Variants in SPATS2L observed in about 807,000 individuals in gnomAD.
SPATS2L encodes the protein spermatogenesis associated serine rich 2 like, also known as SPATS2-like protein.
A neutral mutation model predicts 59.6 loss-of-function variants in SPATS2L; 30 were observed. That is an observed-to-expected ratio of 0.50 (90% confidence interval 0.38 to 0.68). The LOEUF is 0.68. SPATS2L is among the 30% of genes least tolerant of loss of function. SPATS2L has a pLI of 0.00. For missense variants in SPATS2L, 615 were observed against 700.0 expected (o/e 0.88, Z 1.37); for synonymous variants, 252 against 263.5 (o/e 0.96, Z 0.42).
At chr2:200,328,854 A>G (rs2079842714) in intron 1 of SPATS2L, among the ~76,000 whole-genome samples, 1 of 152,182 alleles carries the variant, frequency 6.6e-6, no homozygotes, top group African/African-American at 2.4e-5. Flanking sequence ...ACTTTATAGG[A>G]TATCTTTTGG....
At chr2:200,419,075 A>C (rs1230048213) in intron 5 of SPATS2L, among the ~76,000 whole-genome samples, 175 bp from the exon 6 acceptor site, 1 of 152,192 alleles carries the variant, frequency 6.6e-6, no homozygotes, top group Admixed American at 6.5e-5. Flanking sequence ...ACTATAAGAA[A>C]GAAGATACTT....
intron 2 of SPATS2L, among the ~76,000 whole-genome samples, chr2:200,355,750 A>G (rs1345028561): frequency 6.6e-6 from 1 of 152,230 alleles, no homozygotes; most frequent in Non-Finnish European, 1.5e-5. Flanking sequence ...AAGCAAACAC[A>G]TTTGCAGGTA....
intron 2 of SPATS2L, among the ~76,000 whole-genome samples, chr2:200,357,880 T>C (rs2080968309): frequency 6.6e-6 from 1 of 152,172 alleles, no homozygotes; most frequent in African/African-American, 2.4e-5. Context: ...TTGAGAGATA[T>C]CAAAGATGTC....
intron 2 of SPATS2L, among the ~76,000 whole-genome samples, chr2:200,380,137 C>T (rs2081753772): frequency 6.6e-6 from 1 of 152,142 alleles, no homozygotes; most frequent in African/African-American, 2.4e-5. Context: ...GCCTGCCGTG[C>T]GTCCTCCTCC....
At chr2:200,463,748 CACAA>C (rs2086402206) in intron 9 of SPATS2L, among the ~76,000 whole-genome samples, 1 of 152,164 alleles carries the variant, frequency 6.6e-6, no homozygotes, top group Non-Finnish European at 1.5e-5. Context: ...TTCATAGTAA[CACAA>C]ACAAATTATG....
At chr2:200,347,780 T>C (rs2080567541) in intron 2 of SPATS2L, among the ~76,000 whole-genome samples, 1 of 152,212 alleles carries the variant, frequency 6.6e-6, no homozygotes, top group Admixed American at 6.5e-5. Flanking sequence ...GATAATCTGG[T>C]AAACTGCTTG....
At chr2:200,459,186 GA>G (rs1465896810) in intron 8 of SPATS2L, among the ~76,000 whole-genome samples, 2 of 152,176 alleles carry the variant, frequency 1.3e-5, no homozygotes, top group African/African-American at 4.8e-5. Context: ...AAAAATAAAT[GA>G]AATACGAGAA....
intron 2 of SPATS2L, among the ~76,000 whole-genome samples, chr2:200,368,916 A>G (rs896975128): frequency 6.6e-6 from 1 of 152,174 alleles, no homozygotes; most frequent in East Asian, 1.9e-4. Context: ...GTGTATATGT[A>G]TAAAATGAAA....
chr2:200,358,690 T>C (rs2080998431), intron 2 of SPATS2L, among the ~76,000 whole-genome samples: 2 of 152,204 alleles, frequency 1.3e-5, no homozygotes, highest in African/African-American at 2.4e-5. Context: ...CCATCTTCCA[T>C]GTTTAAGAGT....
intron 2 of SPATS2L, among the ~76,000 whole-genome samples, chr2:200,333,668 A>T (rs1574421703): frequency 6.6e-6 from 1 of 151,530 alleles, no homozygotes; most frequent in Non-Finnish European, 1.5e-5. Context: ...CCACCCCATG[A>T]TGGGCCCCAG....
In SPATS2L at chr2:200,481,448, AT is replaced by A. The variant is rs2106267842; in HGVS notation, c.*3418del. The stretch of plus-strand genomic sequence containing the variant: ...AGGGCCTGCGCAGTTCTTTTCCTAA[AT>A]CGATTCGGTGCTCCCCACCCCGACG... On this transcript the variant is annotated 3_prime_UTR_variant, in exon 13 of 13. Transcript: ENST00000409140. 1 of 152,294 alleles carries A rather than the reference AT, an allele frequency of 6.6e-6. No individual in the cohort carries two copies. The highest frequency in any genetic ancestry group is 1.5e-5 in the Non-Finnish European group (1 of 68,018). 9.4% of individuals were successfully genotyped at this position (152,294 alleles called of 1,614,324 possible). A position where few individuals can be genotyped will look rare whatever the true frequency, so the allele number is the denominator to read the frequency against.
At chr2:200,373,041 C>G (rs2081479765) in intron 2 of SPATS2L, 1 of 152,168 alleles carries the variant, frequency 6.6e-6, no homozygotes, top group Non-Finnish European at 1.5e-5. Context: ...CATGGCAGAG[C>G]TGTCAGACAC....
chr2:200,428,393 T>A (rs1384288182), intron 6 of SPATS2L, among the ~76,000 whole-genome samples: 1 of 152,216 alleles, frequency 6.6e-6, no homozygotes, highest in Non-Finnish European at 1.5e-5. Context: ...CATGACACTC[T>A]CCTGATTGTG....
At chr2:200,459,897 C>T in intron 9 of SPATS2L, 70 bp downstream of exon 9, 1 of 1,142,800 alleles carries the variant, frequency 8.8e-7, no homozygotes, top group Non-Finnish European at 1.3e-6. Flanking sequence ...GTCAGACTGA[C>T]AATGATACCG....
intron 2 of SPATS2L, among the ~76,000 whole-genome samples, chr2:200,365,765 C>G (rs2081249365): frequency 6.6e-6 from 1 of 152,154 alleles, no homozygotes; most frequent in African/African-American, 2.4e-5. Context: ...TCATCTCACC[C>G]CCAACTCAAA....
chr2:200,398,989 CCTTGAAGGTAATTATCAA>C (rs778039415), intron 3 of SPATS2L, among the ~76,000 whole-genome samples: 8 of 152,228 alleles, frequency 5.3e-5, no homozygotes, highest in Non-Finnish European at 8.8e-5. Context: ...GCTTCTCAAT[CCTTGAAGGTAATTATCAA>C]AAATATATTG....
intron 6 of SPATS2L, among the ~76,000 whole-genome samples, chr2:200,425,450 C>A (rs186419796): frequency 1.2e-4 from 19 of 152,242 alleles, no homozygotes; most frequent in African/African-American, 4.6e-4. Flanking sequence ...AGAACCCGGG[C>A]TTTAGCGTTA....
intron 3 of SPATS2L, among the ~76,000 whole-genome samples, chr2:200,394,132 G>A (rs930613313): frequency 1.1e-4 from 17 of 152,288 alleles, no homozygotes; most frequent in Admixed American, 2.0e-4. Context: ...GGATTATAAC[G>A]ATAAGGATTT....
intron 6 of SPATS2L, among the ~76,000 whole-genome samples, chr2:200,427,550 A>G (rs957853417): frequency 1.3e-5 from 2 of 149,998 alleles, no homozygotes; most frequent in African/African-American, 4.9e-5. Flanking sequence ...TTAAGGTATT[A>G]ATGACATATA....
Sources: gnomAD v4.1 joint callset for allele counts (sites outside exome capture counted in the v4.1 genomes callset) on GRCh38, gnomAD v4.1.1 for gene constraint, MANE v1.5 for transcripts, NCBI Gene and HGNC (gene_info 2026-07-23, HGNC 2026-07-21) for gene names.